The following SEMA5A variants were observed in gnomAD, a reference collection of about 807,000 sequenced individuals.
The protein encoded by SEMA5A is semaphorin 5A, also known as semaphorin-5A.
SEMA5A carries 55 observed loss-of-function variants against 135.5 expected under a neutral mutation model. The ratio of observed to expected loss-of-function variants is 0.41; its 90% CI spans 0.33 to 0.51. The LOEUF is 0.51. SEMA5A is among the 20% of genes least tolerant of loss of function. The probability of loss-of-function intolerance (pLI) is 0.37; values close to 1 mark genes in which losing one functional copy is unlikely to be tolerated. For missense variants in SEMA5A, 1,290 were observed against 1,419.9 expected, an observed-to-expected ratio of 0.91 and a Z score of 1.47; for synonymous variants, 580 against 546.5, an observed-to-expected ratio of 1.06 and a Z score of -0.85.
At chr5:9,384,099 G>A (rs895823812) in intron 2 of SEMA5A, among the ~76,000 whole-genome samples, 4 of 152,174 alleles carry the variant, frequency 2.6e-5, no homozygotes, top group African/African-American at 9.7e-5. Context: ...TAAAGGTACT[G>A]TAAACTGTCA....
chr5:9,399,399 A>T (rs1193505508), intron 2 of SEMA5A, among the ~76,000 whole-genome samples: 1 of 152,214 alleles, frequency 6.6e-6, no homozygotes, highest in African/African-American at 2.4e-5. Context: ...ATGTATATAA[A>T]ATATCTAGAA....
In SEMA5A at chr5:9,108,301, A is replaced by G; in HGVS notation, c.1926-14T>C. The G allele has an allele frequency of 6.2e-7, 1 of 1,613,120 alleles. No individual in the cohort carries two copies. The highest frequency in any genetic ancestry group is 8.5e-7 in the Non-Finnish European group (1 of 1,179,470). On this transcript the variant is annotated splice_polypyrimidine_tract_variant and intron_variant, in intron 15 of 22. Transcript: ENST00000382496. ...TCATTGCAGTATCTGTAATGAGGAA[A>G]CCAAAATGACAAGGAAACTAATTAG...
At chr5:9,244,892 G>A (rs1191924504) in intron 5 of SEMA5A, among the ~76,000 whole-genome samples, 2 of 152,160 alleles carry the variant, frequency 1.3e-5, no homozygotes, top group African/African-American at 2.4e-5. Context: ...CTGACACTGG[G>A]AAGAAGAATA....
intron 12 of SEMA5A, among the ~76,000 whole-genome samples, chr5:9,148,530 C>T (rs1428147797): frequency 2.0e-5 from 3 of 152,152 alleles, no homozygotes; most frequent in African/African-American, 7.2e-5. Flanking sequence ...ATCCCTATGT[C>T]CCAGGAAGGC....
intron 1 of SEMA5A, among the ~76,000 whole-genome samples, chr5:9,519,344 A>C (rs1475556251): frequency 6.6e-6 from 1 of 152,218 alleles, no homozygotes; most frequent in African/African-American, 2.4e-5. Context: ...AAAACAAAAA[A>C]TCTTAAGTTT....
intron 7 of SEMA5A, 120 bp downstream of exon 7, chr5:9,226,749 T>G: frequency 1.6e-6 from 1 of 636,240 alleles, no homozygotes; most frequent in Non-Finnish European, 2.7e-6. Context: ...TGACAAAAAG[T>G]GCTTTAGAAT....
intron 1 of SEMA5A, among the ~76,000 whole-genome samples, chr5:9,451,012 T>C (rs1445351114): frequency 6.6e-6 from 1 of 152,216 alleles, no homozygotes; most frequent in Non-Finnish European, 1.5e-5. Flanking sequence ...TGTATAACTC[T>C]GAAGGGGACA....
Position 9,064,024 on chromosome 5 carries a change from C to T in SEMA5A, c.2300-919G>A, listed in dbSNP as rs183958961. On this transcript the variant is annotated intron_variant, in intron 17 of 22. Coordinates refer to ENST00000382496, the MANE Select transcript of SEMA5A (RefSeq NM_003966.3). ...ACTCTAAAAGTATGCAGTAAAGTTC[C>T]GGGGAAGTGTGCTCAGAAGACAAGT... Among the ~76,000 whole-genome samples, 339 of 152,252 alleles carry T rather than the reference C, an allele frequency of 2.2e-3. 1 individual carries two copies. The highest frequency in any genetic ancestry group is 4.1e-3 in the Admixed American group (62 of 15,290).
chr5:9,310,500 A>C lies in SEMA5A; in HGVS notation c.270+7872T>G, dbSNP rs550563165. On this transcript the variant is annotated intron_variant, in intron 5 of 22. Coordinates refer to ENST00000382496, the MANE Select transcript of SEMA5A (RefSeq NM_003966.3). ...TCATGATTTTTGAGAGCTGTGGGGG[A>C]GACCAGTCTCTCCTTGCCCAATAAA... is the stretch of plus-strand genomic sequence containing the variant. Among the ~76,000 whole-genome samples, 50 of 152,200 alleles carry C rather than the reference A, an allele frequency of 3.3e-4. No homozygotes were observed. The South Asian group carries it at 9.3e-3, about 28-fold the overall frequency.
At chr5:9,422,173 C>A (rs1393031190) in intron 2 of SEMA5A, among the ~76,000 whole-genome samples, 5 of 152,186 alleles carry the variant, frequency 3.3e-5, no homozygotes, top group Admixed American at 3.3e-4. Context: ...GGCACAGATG[C>A]CACCTTGCCC....
At chr5:9,404,275 C>A (rs1037957897) in intron 2 of SEMA5A, among the ~76,000 whole-genome samples, 1 of 151,994 alleles carries the variant, frequency 6.6e-6, no homozygotes, top group South Asian at 2.1e-4. Flanking sequence ...TTTCTCTGTT[C>A]ATTTTCCCAC....
chr5:9,507,640 T>C (rs1735965516), intron 1 of SEMA5A, among the ~76,000 whole-genome samples: 1 of 152,166 alleles, frequency 6.6e-6, no homozygotes, highest in South Asian at 2.1e-4. Flanking sequence ...AAGTGCTGAA[T>C]GGTGACCCAG....
chr5:9,056,034 T>C (rs993810057), intron 18 of SEMA5A, among the ~76,000 whole-genome samples: 1 of 152,182 alleles, frequency 6.6e-6, no homozygotes, highest in South Asian at 2.1e-4. Context: ...TTGTGACTTA[T>C]AGTAATGGCA....
intron 8 of SEMA5A, among the ~76,000 whole-genome samples, chr5:9,221,527 C>G (rs1253121133): frequency 1.3e-5 from 2 of 151,916 alleles, no homozygotes; most frequent in Non-Finnish European, 2.9e-5. Flanking sequence ...TGGTCTCGAT[C>G]TCCTGACCTC....
chr5:9,545,518 G>T lies in SEMA5A; in HGVS notation c.-175+66C>A, dbSNP rs943715369. On this transcript the variant is annotated intron_variant, in intron 1 of 22. Transcript: ENST00000382496. The surrounding 1 kb of genome is among the most constrained non-coding windows in gnomAD (Gnocchi z 4.5). The stretch of plus-strand genomic sequence containing the variant: ...GTCCCCGGGTCCCGGCCAGCGGCGC[G>T]GCGCGGCGCGGCGCGGTCAGGGGCT... 1 of 147,666 alleles carries T rather than the reference G, an allele frequency of 6.8e-6. No homozygotes were observed. The highest frequency in any genetic ancestry group is 2.4e-5 in the African/African-American group (1 of 40,984). The allele number at this position is 147,666 out of a possible 1,614,324, so 9.1% of individuals were successfully genotyped here. A position where few individuals can be genotyped will look rare whatever the true frequency, so the allele number is the denominator to read the frequency against.
intron 3 of SEMA5A, among the ~76,000 whole-genome samples, chr5:9,354,894 G>T (rs1754374599): frequency 6.6e-6 from 1 of 152,148 alleles, no homozygotes; most frequent in African/African-American, 2.4e-5. Flanking sequence ...CTGGGGAAAG[G>T]CCCTAAGCTG....
chr5:9,263,987 TG>T (rs994851167), intron 5 of SEMA5A, among the ~76,000 whole-genome samples: 10 of 152,236 alleles, frequency 6.6e-5, no homozygotes, highest in African/African-American at 1.9e-4. Flanking sequence ...CTAGTTTTGT[TG>T]TTGCCATTAA....
chr5:9,465,761 C>A (rs1386793969), intron 1 of SEMA5A, among the ~76,000 whole-genome samples: 1 of 152,192 alleles, frequency 6.6e-6, no homozygotes, highest in Non-Finnish European at 1.5e-5. Flanking sequence ...CAGAGGATGA[C>A]TTTATTCTCC....
chr5:9,065,863 G>A (rs1737436799), intron 17 of SEMA5A, among the ~76,000 whole-genome samples: 1 of 152,312 alleles, frequency 6.6e-6, no homozygotes, highest in African/African-American at 2.4e-5. Context: ...GCCAGATCTG[G>A]TTTCTGCCTC....
Sources: allele counts gnomAD v4.1 joint callset (sites outside exome capture counted in the v4.1 genomes callset), GRCh38; gene constraint gnomAD v4.1.1; non-coding constraint Gnocchi (gnomAD v3.1); transcripts MANE v1.5; gene names NCBI Gene and HGNC (gene_info 2026-07-23, HGNC 2026-07-21).